The following ATP8A2 variants were observed in gnomAD, a reference collection of about 807,000 sequenced individuals.
The protein encoded by ATP8A2 is phospholipid-transporting ATPase IB.
Under a neutral mutation model 165.6 loss-of-function variants are expected in ATP8A2, and 100 were observed. The observed-to-expected ratio is 0.60, with a 90% CI of 0.51 to 0.71. The LOEUF (loss-of-function observed/expected upper bound fraction) is 0.71. ATP8A2 is among the 30% of genes least tolerant of loss of function. The probability of loss-of-function intolerance (pLI) is 0.00; values close to 1 mark genes in which losing one functional copy is unlikely to be tolerated. For synonymous variants in ATP8A2, 543 were observed against 548.8 expected (o/e 0.99, Z 0.15); for missense variants, 1,227 against 1,479.5 (o/e 0.83, Z 2.80).
At chr13:25,431,943 A>G (rs1473343106) in intron 1 of ATP8A2, among the ~76,000 whole-genome samples, 1 of 152,066 alleles carries the variant, frequency 6.6e-6, no homozygotes, top group Non-Finnish European at 1.5e-5. Context: ...CTCTGTCTCT[A>G]AGGATTTACC....
At chr13:26,008,103 C>T (rs1204573089) in intron 35 of ATP8A2, among the ~76,000 whole-genome samples, 2 of 151,972 alleles carry the variant, frequency 1.3e-5, no homozygotes, top group East Asian at 3.9e-4. Flanking sequence ...CCCACAGGGC[C>T]CTAGCAGAGG....
chr13:25,531,187 T>G (rs947345736), intron 4 of ATP8A2, among the ~76,000 whole-genome samples: 7 of 140,302 alleles, frequency 5.0e-5, no homozygotes, highest in African/African-American at 1.9e-4. Flanking sequence ...ATATATATGT[T>G]ATATATGTTA....
chr13:25,547,669 C>T (rs2038694503), intron 10 of ATP8A2, among the ~76,000 whole-genome samples: 1 of 152,086 alleles, frequency 6.6e-6, no homozygotes, highest in Non-Finnish European at 1.5e-5. Context: ...CAAAACCATC[C>T]CCACCCAAGT....
chr13:25,770,146 T>C (rs941253967), intron 26 of ATP8A2, among the ~76,000 whole-genome samples: 3 of 152,144 alleles, frequency 2.0e-5, no homozygotes, highest in African/African-American at 7.2e-5. Context: ...TACTTTATAG[T>C]TTAAACAAAG....
chr13:25,782,287 C>T (rs756491305), intron 27 of ATP8A2, among the ~76,000 whole-genome samples: 23 of 152,142 alleles, frequency 1.5e-4, no homozygotes, highest in African/African-American at 2.9e-4. Flanking sequence ...GCTATGAGTG[C>T]GGTGTTAAAA....
At chr13:25,882,894 AGATGAT>A (rs3837558) in intron 33 of ATP8A2, among the ~76,000 whole-genome samples, 9,517 of 147,302 alleles carry the variant, frequency 0.065, 758 homozygotes, top group African/African-American at 0.17. Context: ...CCTGTGCCTG[AGATGAT>A]GATGATGATG....
intron 27 of ATP8A2, among the ~76,000 whole-genome samples, chr13:25,824,950 G>A (rs936816456): frequency 1.1e-4 from 17 of 151,828 alleles, no homozygotes; most frequent in Admixed American, 7.9e-4. Context: ...CTAAATTAGA[G>A]TTGGTTTGGC....
intron 35 of ATP8A2, among the ~76,000 whole-genome samples, chr13:25,996,926 C>T (rs1230275903): frequency 6.6e-6 from 1 of 152,228 alleles, no homozygotes; most frequent in Non-Finnish European, 1.5e-5. Flanking sequence ...TCAGATGATC[C>T]TCCCACCTCG....
intron 24 of ATP8A2, among the ~76,000 whole-genome samples, chr13:25,629,024 A>G (rs573786692): frequency 1.3e-5 from 2 of 152,306 alleles, no homozygotes; most frequent in South Asian, 2.1e-4. Flanking sequence ...TTGGTCACCT[A>G]TGAGACTAAT....
intron 24 of ATP8A2, among the ~76,000 whole-genome samples, chr13:25,596,808 G>A (rs2040247362): frequency 6.6e-6 from 1 of 152,156 alleles, no homozygotes; most frequent in Non-Finnish European, 1.5e-5. Context: ...TTAGATTAGA[G>A]GGAAGATATA....
At chr13:25,787,268 C>T (rs1038846162) in intron 27 of ATP8A2, among the ~76,000 whole-genome samples, 1 of 152,192 alleles carries the variant, frequency 6.6e-6, no homozygotes, top group African/African-American at 2.4e-5. Flanking sequence ...GTTTTCTGAC[C>T]TATAGTTTTG....
intron 30 of ATP8A2, among the ~76,000 whole-genome samples, chr13:25,846,945 A>G (rs1951881789): frequency 1.3e-5 from 2 of 152,234 alleles, no homozygotes; most frequent in Admixed American, 6.5e-5. Context: ...AAGGTATGTG[A>G]AACAATACAC....
chr13:25,908,773 C>T (rs546409094), intron 33 of ATP8A2, among the ~76,000 whole-genome samples: 1 of 152,364 alleles, frequency 6.6e-6, no homozygotes, highest in South Asian at 2.1e-4. Context: ...AGGAGAAGCT[C>T]TTCCCTGTGC....
intron 33 of ATP8A2, among the ~76,000 whole-genome samples, chr13:25,956,807 A>G (rs1312399609): frequency 6.6e-6 from 1 of 152,232 alleles, no homozygotes; most frequent in Non-Finnish European, 1.5e-5. Flanking sequence ...GAGCCCATAT[A>G]GCCAAGACAA....
intron 33 of ATP8A2, among the ~76,000 whole-genome samples, chr13:25,935,016 T>G (rs920817347): frequency 6.6e-6 from 1 of 152,220 alleles, no homozygotes; most frequent in Non-Finnish European, 1.5e-5. Flanking sequence ...TCCCAGCTAC[T>G]GTTACTAAGT....
In ATP8A2 at chr13:25,842,399, G is replaced by T. The variant is rs373518966; in HGVS notation, c.2956+2775G>T. On this transcript the variant is annotated intron_variant, in intron 30 of 36. Coordinates refer to ENST00000381655, the MANE Select transcript of ATP8A2 (RefSeq NM_016529.6). ...GGTTAAGAAACTGGGATGTGGCTGG[G>T]CGTGGTGTCTCACGCCTATAATCCC... 3.3e-5 allele frequency among the ~76,000 whole-genome samples: 5 copies of T among 152,286 alleles called. No homozygotes were observed. In the East Asian group the frequency reaches 5.8e-4, roughly 18 times the overall value.
Position 25,966,391 on chromosome 13 carries a change from G to A in ATP8A2, c.3273-2184G>A, listed in dbSNP as rs568068599. Reference sequence around the variant, plus strand: ...TTATAACCTATAAATATTAATTTTAGACCACTCACATGTAGCCTTTAGACA... The same window carrying A: ...TTATAACCTATAAATATTAATTTTAAACCACTCACATGTAGCCTTTAGACA... On this transcript the variant is annotated intron_variant, in intron 34 of 36. Coordinates refer to ENST00000381655, the MANE Select transcript of ATP8A2 (RefSeq NM_016529.6). Among the ~76,000 whole-genome samples, 5 of 152,218 alleles carry A rather than the reference G, an allele frequency of 3.3e-5. 1 individual carries two copies. The South Asian group carries it at 1.0e-3, about 32-fold the overall frequency.
chr13:25,566,146 T>C lies in ATP8A2; in HGVS notation c.1473+2115T>C, dbSNP rs894733756. Among the ~76,000 whole-genome samples the C allele has an allele frequency of 3.9e-5, 6 of 152,036 alleles. No individual in the cohort carries two copies. In the East Asian group the frequency reaches 1.2e-3, roughly 29 times the overall value. Reference sequence around the variant, plus strand: ...GTTGCTAGCTCTTCTGAAATGTGAGTGTATAAGGCTCGCACACCCACAGGC... The same window carrying C: ...GTTGCTAGCTCTTCTGAAATGTGAGCGTATAAGGCTCGCACACCCACAGGC... On this transcript the variant is annotated intron_variant, in intron 16 of 36. Transcript: ENST00000381655.
At chr13:25,608,226 G>A (rs1038320535) in intron 24 of ATP8A2, among the ~76,000 whole-genome samples, 5 of 152,182 alleles carry the variant, frequency 3.3e-5, no homozygotes, top group African/African-American at 1.2e-4. Context: ...AGAGGGAACA[G>A]GTATGCCAAG....
Sources: allele counts gnomAD v4.1 joint callset (sites outside exome capture counted in the v4.1 genomes callset), GRCh38; gene constraint gnomAD v4.1.1; transcripts MANE v1.5; gene names NCBI Gene and HGNC (gene_info 2026-07-23, HGNC 2026-07-21).